Variants in HCN1 observed in about 807,000 individuals in gnomAD.
HCN1 encodes potassium/sodium hyperpolarization-activated cyclic nucleotide-gated channel 1.
HCN1 carries 13 observed loss-of-function variants against 78.9 expected under a neutral mutation model. The ratio of observed to expected loss-of-function variants is 0.16; its 90% CI spans 0.11 to 0.26. The LOEUF (loss-of-function observed/expected upper bound fraction) is 0.26, where lower values mean the gene tolerates loss of function less well. Ranked by LOEUF, HCN1 falls within the 10% of genes least tolerant of loss-of-function variation. The probability of loss-of-function intolerance (pLI) is 1.00; values close to 1 mark genes in which losing one functional copy is unlikely to be tolerated. For missense variants in HCN1, 810 were observed against 1,154.3 expected, an observed-to-expected ratio of 0.70 and a Z score of 4.32; for synonymous variants, 552 against 455.5, an observed-to-expected ratio of 1.21 and a Z score of -2.70.
intron 5 of HCN1, among the ~76,000 whole-genome samples, chr5:45,307,815 T>C (rs1745766972): frequency 6.6e-6 from 1 of 152,122 alleles, no homozygotes; most frequent in South Asian, 2.1e-4. Flanking sequence ...AATAATAATG[T>C]ATCAATATTG....
intron 1 of HCN1, among the ~76,000 whole-genome samples, chr5:45,692,810 A>G (rs192090403): frequency 3.3e-5 from 5 of 152,258 alleles, no homozygotes; most frequent in Non-Finnish European, 7.4e-5. Flanking sequence ...AATTATCGTG[A>G]GCAGGGAAAC....
chr5:45,627,868 T>G (rs2112006407), intron 2 of HCN1, among the ~76,000 whole-genome samples: 1 of 152,296 alleles, frequency 6.6e-6, no homozygotes, highest in Admixed American at 6.5e-5. Context: ...CATAACATAA[T>G]CATAAATGTG....
chr5:45,277,287 A>T (rs2111862343), intron 6 of HCN1, among the ~76,000 whole-genome samples: 1 of 152,204 alleles, frequency 6.6e-6, no homozygotes, highest in Non-Finnish European at 1.5e-5. Flanking sequence ...ATGAGCTGGA[A>T]GGGAAGTTTT....
intron 5 of HCN1, among the ~76,000 whole-genome samples, chr5:45,342,593 A>C (rs908062199): frequency 6.6e-6 from 1 of 152,138 alleles, no homozygotes. Context: ...TTCCAAAAGC[A>C]AAAATAGTTA....
chr5:45,668,752 G>A (rs767226660), intron 1 of HCN1, among the ~76,000 whole-genome samples: 1 of 151,812 alleles, frequency 6.6e-6, no homozygotes, highest in Non-Finnish European at 1.5e-5. Context: ...AGAACTTGAC[G>A]TAATAAGCAT....
chr5:45,481,263 C>A (rs1307837650), intron 2 of HCN1, among the ~76,000 whole-genome samples: 1 of 152,166 alleles, frequency 6.6e-6, no homozygotes, highest in Non-Finnish European at 1.5e-5. Context: ...TCATGAACAC[C>A]AACAAGGATG....
intron 3 of HCN1, among the ~76,000 whole-genome samples, chr5:45,459,221 T>C (rs1459802686): frequency 1.3e-5 from 2 of 151,734 alleles, no homozygotes; most frequent in Non-Finnish European, 2.9e-5. Context: ...CTTGGCGACA[T>C]AGCAAGACCC....
chr5:45,603,633 T>A (rs1041600120), intron 2 of HCN1, among the ~76,000 whole-genome samples: 20 of 152,188 alleles, frequency 1.3e-4, no homozygotes, highest in African/African-American at 4.8e-4. Context: ...CTGTATCCAA[T>A]TCATAGCTGC....
chr5:45,332,875 T>A (rs1332943568), intron 5 of HCN1, among the ~76,000 whole-genome samples: 2 of 151,794 alleles, frequency 1.3e-5, no homozygotes, highest in Non-Finnish European at 2.9e-5. Flanking sequence ...CACATTTTCC[T>A]TTTCCATTCA....
chr5:45,593,714 G>A (rs1744433435), intron 2 of HCN1, among the ~76,000 whole-genome samples: 1 of 150,702 alleles, frequency 6.6e-6, no homozygotes, highest in Non-Finnish European at 1.5e-5. Flanking sequence ...TTGCTCTTTT[G>A]CCCAGGCTGG....
intron 2 of HCN1, among the ~76,000 whole-genome samples, chr5:45,639,748 A>G (rs908757204): frequency 6.6e-6 from 1 of 152,188 alleles, no homozygotes; most frequent in Non-Finnish European, 1.5e-5. Context: ...CACCGACTGC[A>G]TACAAAAAAA....
chr5:45,363,078 T>C (rs1481723636), intron 4 of HCN1, among the ~76,000 whole-genome samples: 2 of 147,584 alleles, frequency 1.4e-5, no homozygotes, highest in Admixed American at 1.4e-4. Context: ...TATATATATA[T>C]ACATATTTGT....
chr5:45,583,074 T>G (rs538936516), intron 2 of HCN1, among the ~76,000 whole-genome samples: 2 of 152,282 alleles, frequency 1.3e-5, no homozygotes, highest in East Asian at 1.9e-4. Context: ...CTTTGTCTAT[T>G]GATTGGAATA....
chr5:45,495,150 G>T (rs2111712283), intron 2 of HCN1, among the ~76,000 whole-genome samples: 1 of 127,050 alleles, frequency 7.9e-6, no homozygotes, highest in East Asian at 2.2e-4. Flanking sequence ...GTCATTGGTA[G>T]CTTGATGGGG....
chr5:45,622,207 A>G (rs1745081311), intron 2 of HCN1, among the ~76,000 whole-genome samples: 2 of 149,046 alleles, frequency 1.3e-5, no homozygotes, highest in Non-Finnish European at 3.0e-5. Flanking sequence ...CTTCGTCTTA[A>G]AAAAAAAAAG....
chr5:45,543,346 T>C (rs1012598899), intron 2 of HCN1, among the ~76,000 whole-genome samples: 7 of 152,114 alleles, frequency 4.6e-5, no homozygotes, highest in Admixed American at 3.3e-4. Flanking sequence ...CCAGAAAATA[T>C]TGGGAAAAAG....
At chr5:45,517,444 A>AT in intron 2 of HCN1, among the ~76,000 whole-genome samples, 1 of 145,070 alleles carries the variant, frequency 6.9e-6, no homozygotes, top group South Asian at 2.2e-4. Context: ...ACAAAAAGAT[A>AT]TTTTCCTACG....
chr5:45,576,904 C>A (rs920693052), intron 2 of HCN1, among the ~76,000 whole-genome samples: 1 of 152,020 alleles, frequency 6.6e-6, no homozygotes, highest in Non-Finnish European at 1.5e-5. Context: ...TGAACCTAAT[C>A]TTTTATTTTC....
chr5:45,385,956 C>T (rs540839363), intron 4 of HCN1, among the ~76,000 whole-genome samples: 1 of 152,092 alleles, frequency 6.6e-6, no homozygotes, highest in Non-Finnish European at 1.5e-5. Context: ...ACCACTAAAA[C>T]AGAAGGAGCT....
Sources: gnomAD v4.1 joint callset for allele counts (sites outside exome capture counted in the v4.1 genomes callset) on GRCh38, gnomAD v4.1.1 for gene constraint, MANE v1.5 for transcripts, NCBI Gene and HGNC (gene_info 2026-07-23, HGNC 2026-07-21) for gene names.